GRM7: variants seen among roughly 807,000 people sequenced by gnomAD.
GRM7 encodes the protein glutamate metabotropic receptor 7.
In GRM7, 35 loss-of-function variants were observed where a neutral mutation model predicts 84.5. The ratio of observed to expected loss-of-function variants is 0.41; its 90% CI spans 0.32 to 0.55. GRM7 has a LOEUF of 0.55. Ranked by LOEUF, GRM7 falls within the 20% of genes least tolerant of loss-of-function variation. GRM7 has a pLI of 0.19. For synonymous variants in GRM7, 487 were observed against 455.1 expected, an observed-to-expected ratio of 1.07 and a Z score of -0.89; for missense variants, 1,003 against 1,194.6, an observed-to-expected ratio of 0.84 and a Z score of 2.36.
rs528446204 is a variant in GRM7, at chr3:7,420,156, A to G, written c.1174+4993A>G. On this transcript the variant is annotated intron_variant, in intron 5 of 9. Coordinates refer to ENST00000357716, the MANE Select transcript of GRM7 (RefSeq NM_000844.4). ...TGTATTTCTTAAGTCTTTTATTTTT[A>G]CCAGGACCCAGGCTCATTAGAGCCT... 3.3e-5 allele frequency among the ~76,000 whole-genome samples: 5 copies of G among 152,274 alleles called. No individual in the cohort carries two copies. In the East Asian group the frequency reaches 9.7e-4, roughly 29 times the overall value.
intron 7 of GRM7, among the ~76,000 whole-genome samples, chr3:7,572,884 A>ATATATATAT (rs1694772167): frequency 9.4e-6 from 1 of 105,868 alleles, no homozygotes; most frequent in Non-Finnish European, 1.9e-5. Context: ...ATATATAAAT[A>ATATATATAT]ATCTTTCTAC....
At chr3:7,185,108 T>C (rs1159516949) in intron 2 of GRM7, among the ~76,000 whole-genome samples, 2 of 152,134 alleles carry the variant, frequency 1.3e-5, no homozygotes, top group African/African-American at 2.4e-5. Flanking sequence ...ATTTAGTAAG[T>C]GCAAAAGCCA....
At chr3:7,556,058 A>G (rs539078851) in intron 7 of GRM7, among the ~76,000 whole-genome samples, 1 of 152,274 alleles carries the variant, frequency 6.6e-6, no homozygotes, top group South Asian at 2.1e-4. Flanking sequence ...CTTATAAACA[A>G]CAGGCATTTA....
In GRM7 at chr3:7,687,959, TTC is replaced by T. The variant is rs1372077675; in HGVS notation, c.2698+7667_2698+7668del. ...TCCTAGTTTTTAAATAGGCCATTCTTTCTCCCAGTGAATATGTAACTGTATTC... is the reference window on the plus strand; with the variant it reads ...TCCTAGTTTTTAAATAGGCCATTCTTTCCCAGTGAATATGTAACTGTATTC... On this transcript the variant is annotated intron_variant, in intron 9 of 9. Transcript: ENST00000357716. 1.6e-4 allele frequency among the ~76,000 whole-genome samples: 25 copies of T among 152,296 alleles called. No individual in the cohort carries two copies. The East Asian group carries it at 4.8e-3, about 29-fold the overall frequency.
At chr3:7,626,758 T>C (rs1166755406) in intron 8 of GRM7, among the ~76,000 whole-genome samples, 1 of 152,162 alleles carries the variant, frequency 6.6e-6, no homozygotes, top group Non-Finnish European at 1.5e-5. Context: ...AATGGCCCTA[T>C]TTATAAATAA....
chr3:7,218,894 G>A (rs946124069), intron 2 of GRM7, among the ~76,000 whole-genome samples: 11 of 152,088 alleles, frequency 7.2e-5, no homozygotes, highest in Admixed American at 2.0e-4. Flanking sequence ...GGTACAAGTA[G>A]TTTGTGATTA....
chr3:7,678,304 CAAG>C (rs746621703), intron 8 of GRM7, among the ~76,000 whole-genome samples: 2 of 151,996 alleles, frequency 1.3e-5, no homozygotes, highest in South Asian at 2.1e-4. Flanking sequence ...AATAATAAAA[CAAG>C]AAGTCTGAAT....
chr3:7,010,342 T>C (rs1245508690), intron 1 of GRM7, among the ~76,000 whole-genome samples: 2 of 152,132 alleles, frequency 1.3e-5, no homozygotes, highest in African/African-American at 4.8e-5. Context: ...TAGTCCCAGC[T>C]ACTCAGGAGG....
In GRM7 at chr3:7,326,431, A is replaced by T. The variant is rs188791833; in HGVS notation, c.1033+19779A>T. Among the ~76,000 whole-genome samples, 364 of 152,268 alleles carry T rather than the reference A, an allele frequency of 2.4e-3. 1 individual carries two copies. The highest frequency in any genetic ancestry group is 0.024 in the Middle Eastern group (7 of 294). On this transcript the variant is annotated intron_variant, in intron 4 of 9. Coordinates refer to ENST00000357716, the MANE Select transcript of GRM7 (RefSeq NM_000844.4). ...TTTTTTCTTTAAAGAGCTGAAAGTTAAAAGTGTTCTCAGGTGGTATTTGTT... is the reference window on the plus strand; with the variant it reads ...TTTTTTCTTTAAAGAGCTGAAAGTTTAAAGTGTTCTCAGGTGGTATTTGTT...
At chr3:7,168,487 C>T (rs1694878665) in intron 2 of GRM7, among the ~76,000 whole-genome samples, 1 of 152,108 alleles carries the variant, frequency 6.6e-6, no homozygotes, top group Non-Finnish European at 1.5e-5. Context: ...ATGCAAGGTA[C>T]ACCAAGAAGG....
At chr3:7,699,840 A>G (rs528414753) in intron 9 of GRM7, among the ~76,000 whole-genome samples, 1 of 152,324 alleles carries the variant, frequency 6.6e-6, no homozygotes, top group East Asian at 1.9e-4. Flanking sequence ...CTGATCCCAG[A>G]AGAAGTGAGG....
chr3:7,664,378 G>T (rs979816849), intron 8 of GRM7, among the ~76,000 whole-genome samples: 6 of 152,120 alleles, frequency 3.9e-5, no homozygotes, highest in African/African-American at 9.7e-5. Context: ...TCTGATATGG[G>T]TATTTCATGA....
At chr3:7,316,186 G>A (rs1411514934) in intron 4 of GRM7, among the ~76,000 whole-genome samples, 1 of 152,104 alleles carries the variant, frequency 6.6e-6, no homozygotes, top group Non-Finnish European at 1.5e-5. Flanking sequence ...GTGAGGAAGA[G>A]GGAGATGAAG....
intron 4 of GRM7, among the ~76,000 whole-genome samples, chr3:7,339,289 G>A (rs894825832): frequency 6.6e-6 from 1 of 152,110 alleles, no homozygotes; most frequent in African/African-American, 2.4e-5. Context: ...AACCAAGACA[G>A]TAGGTGCCAG....
At chr3:7,602,751 T>C (rs960757000) in intron 8 of GRM7, among the ~76,000 whole-genome samples, 1 of 152,202 alleles carries the variant, frequency 6.6e-6, no homozygotes, top group Non-Finnish European at 1.5e-5. Context: ...TAGAATTCTC[T>C]AAGGTAGGCT....
At chr3:7,439,971 G>A (rs1189968072) in intron 5 of GRM7, among the ~76,000 whole-genome samples, 1 of 151,370 alleles carries the variant, frequency 6.6e-6, no homozygotes, top group African/African-American at 2.4e-5. Flanking sequence ...AAGGAAGTAT[G>A]TGAAAACTGG....
chr3:6,990,408 T>C (rs1182333176), intron 1 of GRM7, among the ~76,000 whole-genome samples: 1 of 152,200 alleles, frequency 6.6e-6, no homozygotes, highest in Non-Finnish European at 1.5e-5. Flanking sequence ...AATACTGGGT[T>C]GGGAGATGGG....
intron 1 of GRM7, among the ~76,000 whole-genome samples, chr3:7,132,594 AAAAG>A (rs1693638990): frequency 6.6e-6 from 1 of 152,240 alleles, no homozygotes; most frequent in African/African-American, 2.4e-5. Context: ...AAAGGTTGAA[AAAAG>A]AAAGAAAGCA....
At chr3:7,080,498 A>G (rs1302369216) in intron 1 of GRM7, among the ~76,000 whole-genome samples, 1 of 151,986 alleles carries the variant, frequency 6.6e-6, no homozygotes, top group African/African-American at 2.4e-5. Context: ...ATATTTTCTT[A>G]TATGTTTCAT....
Sources: gnomAD v4.1 joint callset for allele counts (sites outside exome capture counted in the v4.1 genomes callset) on GRCh38, gnomAD v4.1.1 for gene constraint, MANE v1.5 for transcripts, NCBI Gene and HGNC (gene_info 2026-07-23, HGNC 2026-07-21) for gene names.